VDAC1: variants seen among roughly 807,000 people sequenced by gnomAD.
VDAC1 encodes the protein non-selective voltage-gated ion channel VDAC1.
In VDAC1, 10 loss-of-function variants were observed where a neutral mutation model predicts 34.7. The ratio of observed to expected loss-of-function variants is 0.29; its 90% confidence interval spans 0.18 to 0.49. The LOEUF (loss-of-function observed/expected upper bound fraction) is 0.49, where lower values mean the gene tolerates loss of function less well. VDAC1 is among the 20% of genes least tolerant of loss of function. The pLI is 0.99. For missense variants in VDAC1, 230 were observed against 347.9 expected, an observed-to-expected ratio of 0.66 and a Z score of 2.69; for synonymous variants, 130 against 136.0, an observed-to-expected ratio of 0.96 and a Z score of 0.30.
At chr5:134,005,395 T>G (rs1219501989), upstream of VDAC1, 1 of 152,232 alleles carries the variant, frequency 6.6e-6, no homozygotes, top group Non-Finnish European at 1.5e-5. Flanking sequence ...ACAATGTGTC[T>G]GGCGCCTCCG....
the VDAC1 span, among the ~76,000 whole-genome samples, chr5:134,035,922 C>T: frequency 2.1e-4 from 31 of 150,610 alleles, no homozygotes; most frequent in Admixed American, 1.1e-3. Context: ...AGGAGAATCG[C>T]TTGGACCCTG....
the VDAC1 span, among the ~76,000 whole-genome samples, chr5:134,020,612 A>T: frequency 6.6e-6 from 1 of 152,162 alleles, no homozygotes; most frequent in Non-Finnish European, 1.5e-5. Flanking sequence ...AAGGTATATA[A>T]ACATGCTGCA....
At chr5:134,070,099 G>A in the VDAC1 span, among the ~76,000 whole-genome samples, 1 of 152,024 alleles carries the variant, frequency 6.6e-6, no homozygotes, top group East Asian at 1.9e-4. Flanking sequence ...GCAACCAGCA[G>A]CCCTCTGCTC....
chr5:134,086,701 CCCTTCCCCTTCT>C, the VDAC1 span, among the ~76,000 whole-genome samples: 2 of 152,056 alleles, frequency 1.3e-5, no homozygotes, highest in Non-Finnish European at 2.9e-5. Context: ...CTTCCCCTTC[CCCTTCCCCTTCT>C]CCTTCTTTTC....
the VDAC1 span, among the ~76,000 whole-genome samples, chr5:134,068,628 T>A: frequency 6.6e-6 from 1 of 152,168 alleles, no homozygotes; most frequent in Non-Finnish European, 1.5e-5. Flanking sequence ...TCTCATTGTC[T>A]TTGGTGTCAA....
At chr5:134,038,896 C>A in the VDAC1 span, among the ~76,000 whole-genome samples, 1 of 103,862 alleles carries the variant, frequency 9.6e-6, no homozygotes, top group African/African-American at 5.3e-5. Flanking sequence ...CAAAATGAAC[C>A]CATTTTGTGT....
the VDAC1 span, among the ~76,000 whole-genome samples, chr5:134,094,778 G>A: frequency 3.3e-5 from 5 of 151,296 alleles, no homozygotes; most frequent in Non-Finnish European, 5.9e-5. Context: ...TAATGCCAAC[G>A]AGCAGCCTGC....
chr5:133,973,880 A>C, intron 7 of VDAC1, 32 bp from the exon 8 acceptor site: 1 of 1,603,698 alleles, frequency 6.2e-7, no homozygotes, highest in Non-Finnish European at 8.5e-7. Context: ...CAGAGAAAAC[A>C]TTAAGTATAA....
At chr5:133,992,234 C>T in intron 3 of VDAC1, 72 bp downstream of exon 3, 1 of 1,178,000 alleles carries the variant, frequency 8.5e-7, no homozygotes, top group Non-Finnish European at 1.1e-6. Context: ...AAAACTCCAT[C>T]TCAAAAATAA....
At chr5:134,059,553 C>A in the VDAC1 span, among the ~76,000 whole-genome samples, 126 of 152,210 alleles carry the variant, frequency 8.3e-4, no homozygotes, top group African/African-American at 2.9e-3. Flanking sequence ...AAGCCCGTCG[C>A]GCTGTTTCAT....
chr5:134,087,230 G>C, the VDAC1 span, among the ~76,000 whole-genome samples: 2 of 152,118 alleles, frequency 1.3e-5, no homozygotes, highest in African/African-American at 4.8e-5. Context: ...GGCATAAAGA[G>C]AGTGGAACAG....
At chr5:133,987,440 G>A (rs1029681647) in intron 5 of VDAC1, among the ~76,000 whole-genome samples, 1 of 152,184 alleles carries the variant, frequency 6.6e-6, no homozygotes, top group African/African-American at 2.4e-5. Context: ...CAATTTGGGA[G>A]GCTGAGACGG....
At chr5:134,099,724 C>T in the VDAC1 span, among the ~76,000 whole-genome samples, 1 of 152,202 alleles carries the variant, frequency 6.6e-6, no homozygotes, top group African/African-American at 2.4e-5. Flanking sequence ...GGACTACAGG[C>T]GCATGCCATC....
chr5:134,104,556 G>T, the VDAC1 span, among the ~76,000 whole-genome samples: 2 of 152,212 alleles, frequency 1.3e-5, no homozygotes, highest in Admixed American at 6.5e-5. Flanking sequence ...CCTGCTGGGG[G>T]TAGGGAGAGG....
the VDAC1 span, among the ~76,000 whole-genome samples, chr5:134,032,961 A>T: frequency 6.6e-6 from 1 of 151,650 alleles, no homozygotes; most frequent in Non-Finnish European, 1.5e-5. Flanking sequence ...TGAGCCCAGA[A>T]AGTCAAGGCT....
the VDAC1 span, among the ~76,000 whole-genome samples, chr5:134,098,981 G>A: frequency 2.6e-5 from 4 of 152,366 alleles, no homozygotes; most frequent in African/African-American, 9.6e-5. Flanking sequence ...CTCTGATCCT[G>A]AAGGAGCAAT....
chr5:134,113,666 G>A, the VDAC1 span, among the ~76,000 whole-genome samples: 48 of 152,388 alleles, frequency 3.1e-4, no homozygotes, highest in African/African-American at 1.1e-3. Flanking sequence ...GTAGATGCAG[G>A]GGCTGAGCCA....
the VDAC1 span, among the ~76,000 whole-genome samples, chr5:134,053,142 A>T: frequency 6.6e-6 from 1 of 152,096 alleles, no homozygotes; most frequent in East Asian, 1.9e-4. Flanking sequence ...GAAATAAAAG[A>T]AACAGAAGCC....
intron 5 of VDAC1, among the ~76,000 whole-genome samples, chr5:133,983,415 G>T (rs1203426564): frequency 7.9e-5 from 12 of 152,220 alleles, no homozygotes; most frequent in Middle Eastern, 3.4e-3. Flanking sequence ...GTGCGTGGAG[G>T]AGTGTTATAT....
Sources: gnomAD v4.1 joint callset for allele counts (sites outside exome capture counted in the v4.1 genomes callset) on GRCh38, gnomAD v4.1.1 for gene constraint, MANE v1.5 for transcripts, NCBI Gene and HGNC (gene_info 2026-07-23, HGNC 2026-07-21) for gene names.